SYNJ2: variants seen among roughly 807,000 people sequenced by gnomAD.
The protein encoded by SYNJ2 is polyphosphatidylinositol phosphatase SYNJ2.
In SYNJ2, 116 loss-of-function variants were observed where a neutral mutation model predicts 141.3. The ratio of observed to expected loss-of-function variants is 0.82; its 90% CI spans 0.71 to 0.96. The LOEUF (loss-of-function observed/expected upper bound fraction) is 0.96. SYNJ2 is among the 40% of genes least tolerant of loss of function. SYNJ2 has a pLI of 0.00. For synonymous variants in SYNJ2, 745 were observed against 777.7 expected (o/e 0.96, Z 0.70); for missense variants, 1,873 against 1,934.8 (o/e 0.97, Z 0.60).
intron 8 of SYNJ2, among the ~76,000 whole-genome samples, chr6:158,063,496 T>A (rs1781350310): frequency 6.6e-6 from 1 of 151,734 alleles, no homozygotes; most frequent in Admixed American, 6.6e-5. Flanking sequence ...CCGTCTGTAC[T>A]AAAAATACAA....
intron 2 of SYNJ2, among the ~76,000 whole-genome samples, chr6:158,018,379 C>A (rs575570673): frequency 2.0e-5 from 3 of 152,224 alleles, no homozygotes; most frequent in South Asian, 4.1e-4. Flanking sequence ...CAGTCGCATT[C>A]CTGATTCTCA....
Position 158,055,016 on chromosome 6 carries a change from C to T in SYNJ2, c.845C>T (p.Pro282Leu), listed in dbSNP as rs200421403. ...RLHRGLEANA[P>L]AFDRHMVLLK... ...CACAGAGGCCTGGAAGCCAATGCCC[C>T]TGCTTTCGACAGGTAGGGATTGTCT... Residue 282 changes from proline (P) to leucine (L), a missense_variant, in exon 6 of 27, where the codon CCT (proline) becomes CTT (leucine). Physicochemically the swap from Pro to Leu is moderately conservative, Grantham distance 98. Coordinates refer to ENST00000355585, the MANE Select transcript of SYNJ2 (RefSeq NM_003898.4). The T allele has an allele frequency of 6.2e-6, 10 of 1,613,938 alleles. No individual in the cohort carries two copies. Among genetic ancestry groups the T allele is most frequent in the Non-Finnish European group, 8.5e-6 (10 of 1,180,026 alleles).
chr6:157,982,142 C>A lies in SYNJ2; in HGVS notation c.127+54C>A. The A allele has an allele frequency of 7.8e-7, 1 of 1,284,448 alleles. No homozygotes were observed. Among genetic ancestry groups the A allele is most frequent in the South Asian group, 2.3e-5 (1 of 43,708 alleles). The allele number at this position is 1,284,448 out of a possible 1,614,324, so 79.6% of individuals were successfully genotyped here. On this transcript the variant is annotated intron_variant, in intron 1 of 26. Coordinates refer to ENST00000355585, the MANE Select transcript of SYNJ2 (RefSeq NM_003898.4). This position sits in a 1 kb window ranked among gnomAD's most constrained non-coding sequence, Gnocchi z 4.0. ...CGGAGGAGAGGGCGCCCGCATTCGC[C>A]CAGCCTCGGGAAGACGGGTACCCCC...
chr6:158,027,162 T>C lies in SYNJ2; in HGVS notation c.215-1594T>C, dbSNP rs968228502. The C allele has an allele frequency of 1.2e-5, 12 of 985,020 alleles. No homozygotes were observed. The Admixed American group carries it at 1.8e-4, about 15-fold the overall frequency. 61.0% of individuals were successfully genotyped at this position (985,020 alleles called of 1,614,324 possible). A position where few individuals can be genotyped will look rare whatever the true frequency, so the allele number is the denominator to read the frequency against. On this transcript the variant is annotated intron_variant, in intron 2 of 26. Coordinates refer to ENST00000355585, the MANE Select transcript of SYNJ2 (RefSeq NM_003898.4). The surrounding 1 kb of genome is among the most constrained non-coding windows in gnomAD (Gnocchi z 4.6). ...AAGCAGCGCTCTTCTCCCTATGAAG[T>C]GTGGTGAGGAAATTGGGGTGAGAGG...
At chr6:158,075,066 C>G (rs7753835) in intron 16 of SYNJ2, among the ~76,000 whole-genome samples, 107,177 of 151,398 alleles carry the variant, frequency 0.71, 38,191 homozygotes, top group East Asian at 0.88. Flanking sequence ...CGAGTAGCTG[C>G]GATTACAGGC....
intron 1 of SYNJ2, among the ~76,000 whole-genome samples, chr6:158,010,472 G>A (rs1778222545): frequency 6.6e-6 from 1 of 152,184 alleles, no homozygotes; most frequent in Non-Finnish European, 1.5e-5. Flanking sequence ...CATCAGAAGG[G>A]TCGGGGGAGG....
intron 1 of SYNJ2, among the ~76,000 whole-genome samples, chr6:158,007,393 G>T (rs1290662139): frequency 6.6e-6 from 1 of 152,164 alleles, no homozygotes; most frequent in Non-Finnish European, 1.5e-5. Flanking sequence ...ACAGAGCCAC[G>T]GCATGTCTGG....
intron 1 of SYNJ2, among the ~76,000 whole-genome samples, chr6:158,005,841 C>G (rs892703943): frequency 6.6e-6 from 1 of 152,136 alleles, no homozygotes; most frequent in Non-Finnish European, 1.5e-5. Flanking sequence ...GAAGAGAATT[C>G]CCGCTGGCTC....
At position 158,040,799 on chromosome 6, in the gene SYNJ2, G is replaced by T. The variant is rs993131307; in HGVS notation, c.712-2517G>T. On this transcript the variant is annotated intron_variant, in intron 4 of 26. Transcript: ENST00000355585. The surrounding 1 kb of genome is among the most constrained non-coding windows in gnomAD (Gnocchi z 4.2). Reference sequence around the variant, plus strand: ...CCACTGCTCTGGAAGCGTCACTCAGGGTCACCCTCTGGCTGCTCAGTCTGG... The same window carrying T: ...CCACTGCTCTGGAAGCGTCACTCAGTGTCACCCTCTGGCTGCTCAGTCTGG... 2.0e-5 allele frequency among the ~76,000 whole-genome samples: 3 copies of T among 152,118 alleles called. No individual in the cohort carries two copies. Among genetic ancestry groups the T allele is most frequent in the African/African-American group, 7.2e-5 (3 of 41,418 alleles).
intron 1 of SYNJ2, among the ~76,000 whole-genome samples, chr6:158,006,776 G>C (rs1778088318): frequency 6.6e-6 from 1 of 152,154 alleles, no homozygotes; most frequent in Non-Finnish European, 1.5e-5. Context: ...GGGTTCAAGT[G>C]ATTCTCCTGC....
chr6:158,078,206 C>T lies in SYNJ2; in HGVS notation c.2492C>T (p.Thr831Ile), dbSNP rs1261627214. 2 of 1,613,956 alleles carry T rather than the reference C, an allele frequency of 1.2e-6. No individual in the cohort carries two copies. Among genetic ancestry groups the T allele is most frequent in the Non-Finnish European group, 1.7e-6 (2 of 1,179,968 alleles). The change falls in exon 18 of 27, where the codon ACC becomes ATC. Residue 831 changes from threonine (T) to isoleucine (I), a missense_variant. Physicochemically the swap from Thr to Ile is moderately conservative, Grantham distance 89. Coordinates refer to ENST00000355585, the MANE Select transcript of SYNJ2 (RefSeq NM_003898.4). ...CTAGACAGTGATCTAGATGTTGACA[C>T]CAAAGTCAGACACACCTGGTCTCCT... is the stretch of plus-strand genomic sequence containing the variant. ...NLLDSDLDVD[T>I]KVRHTWSPGA...
Position 158,029,042 on chromosome 6 carries a change from C to CCCTGCAGAGGGTGGGCCCCGGGTCT in SYNJ2, c.485+34_485+35insCGGGTCTCCTGCAGAGGGTGGGCCC. 1 of 1,560,662 alleles carries CCCTGCAGAGGGTGGGCCCCGGGTCT rather than the reference C, an allele frequency of 6.4e-7. No individual in the cohort carries two copies. On this transcript the variant is annotated intron_variant, in intron 3 of 26. Coordinates refer to ENST00000355585, the MANE Select transcript of SYNJ2 (RefSeq NM_003898.4). The stretch of plus-strand genomic sequence containing the variant: ...CCTTCTTCTGGTGAGGCCCTGGGTC[C>CCCTGCAGAGGGTGGGCCCCGGGTCT]CCTGCAGAGGGTGGGCCCTGGGTCT...
At position 158,081,105 on chromosome 6, in the gene SYNJ2, G is replaced by T. The variant is rs2256014; in HGVS notation, c.2568-4G>T. 825,111 of 1,612,672 alleles carry T rather than the reference G, an allele frequency of 0.51. 213,664 individuals carry two copies. The highest frequency in any genetic ancestry group is 0.64 in the African/African-American group (48,010 of 74,822). On this transcript the variant is annotated splice_region_variant and splice_polypyrimidine_tract_variant and intron_variant, in intron 18 of 26. Coordinates refer to ENST00000355585, the MANE Select transcript of SYNJ2 (RefSeq NM_003898.4). ...CTGTCATCCCTCTTTTGTTCCTAAC[G>T]CAGACCTGTGCTGGCGATCGTGGAG...
intron 4 of SYNJ2, among the ~76,000 whole-genome samples, chr6:158,036,170 G>T (rs1779626680): frequency 6.6e-6 from 1 of 152,132 alleles, no homozygotes; most frequent in East Asian, 1.9e-4. Flanking sequence ...TTTGACTTGT[G>T]TGAAATGAGA....
chr6:158,083,282 C>CG (rs1237987696), intron 20 of SYNJ2, 147 bp from the exon 21 acceptor site: 6 of 901,306 alleles, frequency 6.7e-6, no homozygotes, highest in Non-Finnish European at 9.9e-6. Flanking sequence ...GCTGAGCCTG[C>CG]GTGAGGTCTG....
At chr6:157,997,051 C>T (rs1777662422) in intron 1 of SYNJ2, among the ~76,000 whole-genome samples, 1 of 122,716 alleles carries the variant, frequency 8.1e-6, no homozygotes, top group African/African-American at 3.1e-5. Flanking sequence ...AGCTTCGTGA[C>T]TGCAGTAAGA....
In SYNJ2 at chr6:158,043,355, A is replaced by T; in HGVS notation, c.751A>T (p.Ile251Phe). Residue 251 changes from isoleucine to phenylalanine, a missense_variant, in exon 5 of 27, where the codon ATC becomes TTC. Transcript: ENST00000355585. The surrounding 1 kb of genome is among the most constrained non-coding windows in gnomAD (Gnocchi z 4.0). ...MDDGVSSFVQ[I>F]RGSVPLFWEQ... is the part of the protein sequence containing the mutation. Reference sequence around the variant, plus strand: ...CGATGGAGTGTCATCTTTTGTCCAGATCAGAGGCTCCGTTCCGCTGTTCTG... The same window carrying T: ...CGATGGAGTGTCATCTTTTGTCCAGTTCAGAGGCTCCGTTCCGCTGTTCTG... 6.2e-7 allele frequency: 1 copy of T among 1,614,140 alleles called. No individual in the cohort carries two copies. Among genetic ancestry groups the T allele is most frequent in the Non-Finnish European group, 8.5e-7 (1 of 1,179,994 alleles).
At position 158,028,741 on chromosome 6, in the gene SYNJ2, T is replaced by A. The variant is rs973509230; in HGVS notation, c.215-15T>A. On this transcript the variant is annotated splice_polypyrimidine_tract_variant and intron_variant, in intron 2 of 26. Transcript: ENST00000355585. ...GACTTCGACCCTGAGCTCTCCTGTC[T>A]GATTTCCTTTCCAGGTGGCACGTCT... 6.2e-7 allele frequency: 1 copy of A among 1,612,824 alleles called. No homozygotes were observed. Among genetic ancestry groups the A allele is most frequent in the South Asian group, 1.1e-5 (1 of 91,020 alleles).
chr6:158,087,449 A>T (rs1001964539), intron 23 of SYNJ2, among the ~76,000 whole-genome samples: 6 of 152,150 alleles, frequency 3.9e-5, no homozygotes, highest in African/African-American at 1.4e-4. Context: ...GGCTCAGAAC[A>T]AGTTCCCCCT....
Sources: gnomAD v4.1 joint callset for allele counts (sites outside exome capture counted in the v4.1 genomes callset) on GRCh38, gnomAD v4.1.1 for gene constraint, Gnocchi (gnomAD v3.1) non-coding constraint, MANE v1.5 for transcripts, NCBI Gene and HGNC (gene_info 2026-07-23, HGNC 2026-07-21) for gene names.